Variants in DNAH8 observed in about 807,000 individuals in gnomAD.
DNAH8 encodes dynein axonemal heavy chain 8, also known as axonemal beta dynein heavy chain 8.
DNAH8 carries 382 observed loss-of-function variants against 562.1 expected under a neutral mutation model. The ratio of observed to expected loss-of-function variants is 0.68; its 90% CI spans 0.63 to 0.74. The LOEUF is 0.74. Ranked by LOEUF, DNAH8 falls within the 30% of genes least tolerant of loss-of-function variation. The probability of loss-of-function intolerance (pLI) is 0.00; values close to 1 mark genes in which losing one functional copy is unlikely to be tolerated. For synonymous variants in DNAH8, 1,881 were observed against 1,919.4 expected (o/e 0.98, Z 0.52); for missense variants, 5,203 against 5,620.4 (o/e 0.93, Z 2.37).
intron 76 of DNAH8, among the ~76,000 whole-genome samples, chr6:38,934,501 A>T (rs1390588377): frequency 6.6e-6 from 1 of 152,210 alleles, no homozygotes; most frequent in African/African-American, 2.4e-5. Context: ...GAAAATGATG[A>T]AATTTCTGAA....
chr6:38,747,748 C>T (rs1765083417), intron 8 of DNAH8, among the ~76,000 whole-genome samples: 1 of 152,168 alleles, frequency 6.6e-6, no homozygotes, highest in Admixed American at 6.5e-5. Context: ...TCTTCTTTTC[C>T]AGATTTGTCT....
chr6:38,866,985 T>C, intron 47 of DNAH8, 109 bp downstream of exon 47: 2 of 615,782 alleles, frequency 3.2e-6, no homozygotes, highest in Non-Finnish European at 5.6e-6. Context: ...TTGACTCTTT[T>C]CTAAAATGCT....
Position 38,875,820 on chromosome 6 carries a change from C to T in DNAH8, c.7850C>T (p.Thr2617Ile), listed in dbSNP as rs778554035. The T allele has an allele frequency of 8.0e-5, 128 of 1,607,794 alleles. No homozygotes were observed. The highest frequency in any genetic ancestry group is 1.1e-4 in the Non-Finnish European group (128 of 1,174,600). The stretch of plus-strand genomic sequence containing the variant: ...CAAACCATGTATGAGTTTTATGTTA[C>T]TGATTATGGTAAGCCCACTGAACTA... ...SNQTMYEFYV[T>I]DYGDWEHWNK... Residue 2617 changes from threonine to isoleucine, a missense_variant, in exon 53 of 93, where the codon ACT (threonine) becomes ATT (isoleucine). Around this residue, in one of 6 missense-constraint regions of DNAH8, gnomAD observed 977 missense variants for 1,061.8 expected, o/e 0.92. Coordinates refer to ENST00000327475, the MANE Select transcript of DNAH8 (RefSeq NM_001206927.2).
In DNAH8 at chr6:38,894,750, G is replaced by T; in HGVS notation, c.8633G>T (p.Arg2878Leu). 1 of 1,613,756 alleles carries T rather than the reference G, an allele frequency of 6.2e-7. No individual in the cohort carries two copies. Among genetic ancestry groups the T allele is most frequent in the Non-Finnish European group, 8.5e-7 (1 of 1,179,834 alleles). Residue 2878 changes from arginine to leucine, a missense_variant, in exon 59 of 93, where the codon CGA becomes CTA. This residue lies in a region of DNAH8 where 977 missense variants were observed against 1,061.8 expected (regional missense o/e 0.92). Coordinates refer to ENST00000327475, the MANE Select transcript of DNAH8 (RefSeq NM_001206927.2). ...PSKFHYIFNL[R>L]DLSRIWQGML... ...AAATTTCATTACATCTTCAATCTTC[G>T]AGATCTTTCCAGAATTTGGCAAGGA...
chr6:38,924,132 T>A lies in DNAH8; in HGVS notation c.10932T>A (p.Asn3644Lys). Residue 3644 changes from asparagine (N) to lysine (K), a missense_variant, in exon 73 of 93, where the codon AAT (asparagine) becomes AAA (lysine). By Grantham distance (94) the Asn-to-Lys change is moderately conservative (BLOSUM62 0). This residue lies in a region of DNAH8 where 1,399 missense variants were observed against 1,518.4 expected (regional missense o/e 0.92). Transcript: ENST00000327475. Reference sequence around the variant, plus strand: ...AAATTCCTTTCACAGAAAACCTGAATCTTATTTCAATGTTGGTGGATCCTC... The same window carrying A: ...AAATTCCTTTCACAGAAAACCTGAAACTTATTTCAATGTTGGTGGATCCTC... ...ARKIPFTENL[N>K]LISMLVDPPT... The A allele has an allele frequency of 1.2e-6, 2 of 1,613,920 alleles. No homozygotes were observed. The highest frequency in any genetic ancestry group is 1.7e-6 in the Non-Finnish European group (2 of 1,179,876).
chr6:38,895,662 T>A (rs1014569849), intron 59 of DNAH8, among the ~76,000 whole-genome samples: 1 of 152,192 alleles, frequency 6.6e-6, no homozygotes, highest in Non-Finnish European at 1.5e-5. Context: ...ACTTGTCAAA[T>A]GTTACTCCCC....
At chr6:38,872,491 G>A (rs766063696) in intron 49 of DNAH8, 45 bp from the exon 50 acceptor site, 3 of 1,590,256 alleles carry the variant, frequency 1.9e-6, no homozygotes, top group Middle Eastern at 1.7e-4. Flanking sequence ...ATGTCAGCAA[G>A]AGACTCATAA....
chr6:38,916,974 G>A (rs1781354875), intron 68 of DNAH8, among the ~76,000 whole-genome samples: 1 of 152,062 alleles, frequency 6.6e-6, no homozygotes, highest in African/African-American at 2.4e-5. Flanking sequence ...ATATCAGTGG[G>A]ACTTATTAAC....
intron 8 of DNAH8, among the ~76,000 whole-genome samples, chr6:38,747,118 A>G (rs1765008243): frequency 6.6e-6 from 1 of 152,150 alleles, no homozygotes. Flanking sequence ...TTGTGTGCTT[A>G]CTATGTGCCA....
At chr6:38,874,064 TTCTTTTTC>T (rs1425144638) in intron 52 of DNAH8, among the ~76,000 whole-genome samples, 1 of 23,498 alleles carries the variant, frequency 4.3e-5, no homozygotes, top group African/African-American at 2.0e-4. Context: ...CTTTCTTTCT[TTCTTTTTC>T]TTTCTTTCTT....
intron 52 of DNAH8, among the ~76,000 whole-genome samples, chr6:38,874,353 CCTTTCTTTTCTTTCCTTTT>C (rs1173106311): frequency 6.7e-5 from 9 of 135,012 alleles, no homozygotes; most frequent in Non-Finnish European, 1.4e-4. Context: ...CTTTTCTTTT[CCTTTCTTTTCTTTCCTTTT>C]CTTTCTTTTC....
chr6:38,993,312 A>G (rs1375547055), intron 88 of DNAH8, among the ~76,000 whole-genome samples: 1 of 152,218 alleles, frequency 6.6e-6, no homozygotes, highest in African/African-American at 2.4e-5. Flanking sequence ...TCCTTAGGAT[A>G]TATTCCACTA....
Position 38,786,859 on chromosome 6 carries a change from G to C in DNAH8, c.2490G>C (p.Lys830Asn). 2 of 1,613,398 alleles carry C rather than the reference G, an allele frequency of 1.2e-6. No homozygotes were observed. The highest frequency in any genetic ancestry group is 1.7e-6 in the Non-Finnish European group (2 of 1,179,650). Residue 830 changes from lysine to asparagine, a missense_variant, in exon 18 of 93, where the codon AAG becomes AAC. Coordinates refer to ENST00000327475, the MANE Select transcript of DNAH8 (RefSeq NM_001206927.2). ...TTTTGGAAGTTGTTCGGGAAACTAA[G>C]TGTATGATAAAAATGAAGTTGGATG... The part of the protein sequence containing the change: ...PKILEVVRET[K>N]CMIKMKLDVP...
At chr6:38,838,360 A>C (rs1774479659) in intron 33 of DNAH8, among the ~76,000 whole-genome samples, 1 of 151,418 alleles carries the variant, frequency 6.6e-6, no homozygotes, top group African/African-American at 2.4e-5. Context: ...ATTTTGAGTA[A>C]CTTTTGTTTA....
rs1409866806 is a variant in DNAH8, at chr6:38,823,637, A to T, written c.3796A>T (p.Ile1266Phe). ...ILHYATFEQEIDELKPIIVVG... is the reference protein window; with the variant it reads ...ILHYATFEQEFDELKPIIVVG... ...ACACTATGCTACTTTTGAACAGGAG[A>T]TTGATGAGTTGAAGCCTATTATTGT... The change falls in exon 28 of 93, where the codon ATT (isoleucine) becomes TTT (phenylalanine). Residue 1266 changes from isoleucine to phenylalanine, a missense_variant. Coordinates refer to ENST00000327475, the MANE Select transcript of DNAH8 (RefSeq NM_001206927.2). The T allele has an allele frequency of 6.2e-7, 1 of 1,608,412 alleles. No homozygotes were observed. Among genetic ancestry groups the T allele is most frequent in the South Asian group, 1.1e-5 (1 of 90,874 alleles).
rs1328643081 is a variant in DNAH8, at chr6:38,851,652, CCA to C, written c.5445_5446del (p.Ser1816Ter). On this transcript the variant is annotated frameshift_variant, in exon 39 of 93. Transcript: ENST00000327475. LOFTEE classifies it high-confidence loss of function. ...GTTCTCCTGGAAATTCTTGGACAAG[CCA>C]GTGATTCCCACACCATACAGGTATA... The C allele has an allele frequency of 6.2e-7, 1 of 1,608,122 alleles. No individual in the cohort carries two copies. Among genetic ancestry groups the C allele is most frequent in the Non-Finnish European group, 8.5e-7 (1 of 1,175,662 alleles).
chr6:38,857,849 C>A, intron 42 of DNAH8, 107 bp downstream of exon 42: 1 of 681,612 alleles, frequency 1.5e-6, no homozygotes, highest in South Asian at 2.0e-5. Context: ...GGTCCTTTTT[C>A]ATAACTGTCC....
At chr6:38,867,604 T>A (rs1583222636) in intron 47 of DNAH8, among the ~76,000 whole-genome samples, 2 of 136,258 alleles carry the variant, frequency 1.5e-5, no homozygotes, top group Admixed American at 7.3e-5. Flanking sequence ...AAAAAAAAAA[T>A]TAGCCAGGCG....
chr6:38,735,563 A>G (rs1296706571), intron 5 of DNAH8, among the ~76,000 whole-genome samples: 2 of 152,254 alleles, frequency 1.3e-5, no homozygotes, highest in South Asian at 2.1e-4. Flanking sequence ...GCCTCTATGT[A>G]TGGATGTTTC....
Sources: gnomAD v4.1 joint callset for allele counts (sites outside exome capture counted in the v4.1 genomes callset) on GRCh38, gnomAD v4.1.1 for gene constraint, gnomAD v4.1.1 regional missense constraint, MANE v1.5 for transcripts, NCBI Gene and HGNC (gene_info 2026-07-23, HGNC 2026-07-21) for gene names.